SKIC3: variants seen among roughly 807,000 people sequenced by gnomAD.
The protein encoded by SKIC3 is SKI3 subunit of superkiller complex.
At chr5:95,492,652 G>GAAAAAAAAAAAAAAAAAA in the SKIC3 span, among the ~76,000 whole-genome samples, 52 of 48,836 alleles carry the variant, frequency 1.1e-3, 14 homozygotes, top group Non-Finnish European at 1.3e-3. Flanking sequence ...AAAAAAAAAA[G>GAAAAAAAAAAAAAAAAAA]AAAAAAAAAA....
chr5:95,470,982 A>G, the SKIC3 span, among the ~76,000 whole-genome samples: 35 of 152,342 alleles, frequency 2.3e-4, no homozygotes, highest in Admixed American at 5.9e-4. Context: ...AATAAAGTCA[A>G]TATAGTGAGT....
chr5:95,522,289 T>A, the SKIC3 span: 1 of 1,613,588 alleles, frequency 6.2e-7, no homozygotes. Context: ...TTGGGTCTGC[T>A]CTTAATGCTG....
chr5:95,520,732 G>A, the SKIC3 span: 2 of 1,609,884 alleles, frequency 1.2e-6, no homozygotes, highest in South Asian at 1.1e-5. Context: ...AAATATTCCA[G>A]TGCTTTTTCT....
chr5:95,482,543 A>C, the SKIC3 span: 1 of 1,614,034 alleles, frequency 6.2e-7, no homozygotes, highest in Non-Finnish European at 8.5e-7. Flanking sequence ...AGCATCTGGG[A>C]GTGGCTTTTG....
At chr5:95,544,125 G>A in the SKIC3 span, among the ~76,000 whole-genome samples, 1 of 152,142 alleles carries the variant, frequency 6.6e-6, no homozygotes, top group Non-Finnish European at 1.5e-5. Context: ...CTAATATGCA[G>A]TACAAGCTCC....
At chr5:95,484,755 C>T in the SKIC3 span, 2 of 1,614,162 alleles carry the variant, frequency 1.2e-6, no homozygotes, top group Non-Finnish European at 1.7e-6. Flanking sequence ...TTCAGATATT[C>T]TTCCTGTGTC....
the SKIC3 span, among the ~76,000 whole-genome samples, chr5:95,479,872 A>T: frequency 6.6e-6 from 1 of 152,134 alleles, no homozygotes; most frequent in Non-Finnish European, 1.5e-5. Context: ...CCACATATTA[A>T]GACTAATTAT....
At chr5:95,480,070 G>A in the SKIC3 span, among the ~76,000 whole-genome samples, 2 of 151,846 alleles carry the variant, frequency 1.3e-5, no homozygotes, top group African/African-American at 4.8e-5. Context: ...CTTAACTCCT[G>A]CAATATTCAC....
chr5:95,514,639 T>C, the SKIC3 span, among the ~76,000 whole-genome samples: 1 of 152,158 alleles, frequency 6.6e-6, no homozygotes, highest in African/African-American at 2.4e-5. Context: ...TGAGTTTCTA[T>C]TTCCACAACT....
At chr5:95,490,689 G>A in the SKIC3 span, among the ~76,000 whole-genome samples, 222 of 151,820 alleles carry the variant, frequency 1.5e-3, 2 homozygotes, top group Middle Eastern at 0.017. Flanking sequence ...TAGTAGAGAC[G>A]GGGTTTCACC....
At chr5:95,473,011 A>T in the SKIC3 span, among the ~76,000 whole-genome samples, 1 of 152,002 alleles carries the variant, frequency 6.6e-6, no homozygotes, top group Admixed American at 6.6e-5. Flanking sequence ...CTAATCCACT[A>T]TATGGCACCG....
the SKIC3 span, among the ~76,000 whole-genome samples, chr5:95,470,576 T>C: frequency 2.0e-5 from 3 of 152,178 alleles, no homozygotes; most frequent in African/African-American, 2.4e-5. Flanking sequence ...GTGATAAATA[T>C]AGAGTTCTAC....
At chr5:95,522,373 A>G in the SKIC3 span, 79 of 1,540,470 alleles carry the variant, frequency 5.1e-5, no homozygotes, top group Non-Finnish European at 5.8e-5. Context: ...AAAGGAAAAT[A>G]TAAAATAAAT....
the SKIC3 span, among the ~76,000 whole-genome samples, chr5:95,493,568 T>A: frequency 6.6e-5 from 10 of 152,110 alleles, no homozygotes; most frequent in African/African-American, 2.4e-4. Context: ...TGTTTCTATG[T>A]CAAAATGAAA....
chr5:95,490,815 A>G, the SKIC3 span: 1 of 1,526,992 alleles, frequency 6.5e-7, no homozygotes, highest in Admixed American at 1.8e-5. Context: ...TATATTTTTT[A>G]TAACAACATA....
chr5:95,488,446 C>A, the SKIC3 span, among the ~76,000 whole-genome samples: 1 of 152,032 alleles, frequency 6.6e-6, no homozygotes, highest in African/African-American at 2.4e-5. Flanking sequence ...GAAGAGCATA[C>A]TACTTATAAA....
At chr5:95,512,417 T>A in the SKIC3 span, 1 of 1,546,894 alleles carries the variant, frequency 6.5e-7, no homozygotes, top group Non-Finnish European at 8.8e-7. Flanking sequence ...ATTTTAAAAA[T>A]TATTTAAATT....
the SKIC3 span, chr5:95,512,858 G>A: frequency 2.2e-6 from 1 of 460,042 alleles, no homozygotes. Flanking sequence ...GCAGAAAACA[G>A]AGCCTTGCCT....
the SKIC3 span, among the ~76,000 whole-genome samples, chr5:95,477,822 C>G: frequency 6.6e-6 from 1 of 152,114 alleles, no homozygotes; most frequent in East Asian, 1.9e-4. Context: ...TGTATCTTGA[C>G]AAATTTTCCC....
Sources: gnomAD v4.1 joint callset for allele counts (sites outside exome capture counted in the v4.1 genomes callset) on GRCh38, gnomAD v4.1.1 for gene constraint, MANE v1.5 for transcripts, NCBI Gene and HGNC (gene_info 2026-07-23, HGNC 2026-07-21) for gene names.